Variants in CDH12 observed in about 807,000 individuals in gnomAD.
CDH12 encodes the protein cadherin-12.
In CDH12, 41 loss-of-function variants were observed where a neutral mutation model predicts 74.1. The observed-to-expected ratio is 0.55, with a 90% CI of 0.43 to 0.72. The LOEUF is 0.72. Ranked by LOEUF, CDH12 falls within the 30% of genes least tolerant of loss-of-function variation. The probability of loss-of-function intolerance (pLI) is 0.00; values close to 1 mark genes in which losing one functional copy is unlikely to be tolerated. For missense variants in CDH12, 945 were observed against 977.2 expected, an observed-to-expected ratio of 0.97 and a Z score of 0.44; for synonymous variants, 399 against 355.0, an observed-to-expected ratio of 1.12 and a Z score of -1.39.
chr5:21,897,991 C>T (rs1045024329), intron 6 of CDH12, among the ~76,000 whole-genome samples: 14 of 151,520 alleles, frequency 9.2e-5, no homozygotes, highest in Non-Finnish European at 1.3e-4. Flanking sequence ...AGGTTATATG[C>T]CACTTAATAT....
At position 22,254,098 on chromosome 5, in the gene CDH12, C is replaced by T. The variant is rs143500671; in HGVS notation, c.-332-41455G>A. Among the ~76,000 whole-genome samples the T allele has an allele frequency of 2.1e-4, 32 of 151,832 alleles. 2 individuals are homozygous for T. The East Asian group carries it at 6.2e-3, about 29-fold the overall frequency. On this transcript the variant is annotated intron_variant, in intron 3 of 14. Transcript: ENST00000382254. Reference sequence around the variant, plus strand: ...AGAGAGTCAAATCACTGTTTTTAGGCCTGCTAGAGCATTTTGTTGTCCCTT... The same window carrying T: ...AGAGAGTCAAATCACTGTTTTTAGGTCTGCTAGAGCATTTTGTTGTCCCTT...
rs139672842 is a variant in CDH12, at chr5:22,708,153, G to A, written c.-523+144905C>T. On this transcript the variant is annotated intron_variant, in intron 1 of 14. Transcript: ENST00000382254. Reference sequence around the variant, plus strand: ...ATATATTATCAAGACTCTTTCCTTCGCTTTGTCATTTAAGTAGATTATTCT... The same window carrying A: ...ATATATTATCAAGACTCTTTCCTTCACTTTGTCATTTAAGTAGATTATTCT... Among the ~76,000 whole-genome samples the A allele has an allele frequency of 1.1e-3, 172 of 152,112 alleles. 1 individual carries two copies. The East Asian group carries it at 0.023, about 20-fold the overall frequency.
At chr5:22,601,510 A>G (rs1736852923) in intron 1 of CDH12, among the ~76,000 whole-genome samples, 1 of 152,012 alleles carries the variant, frequency 6.6e-6, no homozygotes, top group African/African-American at 2.4e-5. Flanking sequence ...GACAGAAACA[A>G]TCTCTCGTGG....
At chr5:22,651,542 G>A (rs764411664) in intron 1 of CDH12, among the ~76,000 whole-genome samples, 12 of 152,058 alleles carry the variant, frequency 7.9e-5, no homozygotes, top group Non-Finnish European at 1.5e-4. Flanking sequence ...TCACTATCAT[G>A]AGACCAGCAT....
intron 4 of CDH12, among the ~76,000 whole-genome samples, chr5:22,189,393 A>G (rs776559972): frequency 1.3e-5 from 2 of 152,194 alleles, no homozygotes; most frequent in Non-Finnish European, 2.9e-5. Flanking sequence ...TTAAAAATCA[A>G]TAACATTATT....
chr5:22,457,729 C>A (rs957847560), intron 2 of CDH12, among the ~76,000 whole-genome samples: 1 of 151,020 alleles, frequency 6.6e-6, no homozygotes, highest in Admixed American at 6.6e-5. Flanking sequence ...CAGGCACCTG[C>A]TAACATGCCC....
At chr5:22,501,493 T>C (rs1172310750) in intron 2 of CDH12, among the ~76,000 whole-genome samples, 2 of 152,190 alleles carry the variant, frequency 1.3e-5, no homozygotes, top group African/African-American at 4.8e-5. Context: ...CAACTGTTTC[T>C]GTATTTTTCC....
At chr5:21,882,888 G>C in intron 6 of CDH12, 1 of 1,603,368 alleles carries the variant, frequency 6.2e-7, no homozygotes, top group Non-Finnish European at 8.5e-7. Flanking sequence ...ACTTGTTCAA[G>C]ATGTTGCCAA....
At chr5:22,117,525 T>TATATATATAATATATATATATA (rs1561129357) in intron 4 of CDH12, among the ~76,000 whole-genome samples, 14 of 53,932 alleles carry the variant, frequency 2.6e-4, no homozygotes, top group South Asian at 5.8e-4. Flanking sequence ...ATATATATAA[T>TATATATATAATATATATATATA]ATATATATAT....
At chr5:22,110,094 G>C (rs959541046) in intron 4 of CDH12, among the ~76,000 whole-genome samples, 1 of 152,148 alleles carries the variant, frequency 6.6e-6, no homozygotes, top group East Asian at 1.9e-4. Flanking sequence ...TCAATCTCCT[G>C]TCCTTCATAA....
In CDH12 at chr5:22,194,308, CTTT is replaced by C. The variant is rs59899245; in HGVS notation, c.-187+18187_-187+18189del. ...TCTTTCTTTACTTTTCTTTTTCTTTCTTTTTTTTTTTTTTGTTTTGTTTTTTTT... is the reference window on the plus strand; with the variant it reads ...TCTTTCTTTACTTTTCTTTTTCTTTCTTTTTTTTTTTGTTTTGTTTTTTTT... On this transcript the variant is annotated intron_variant, in intron 4 of 14. Transcript: ENST00000382254. 5.4e-3 allele frequency among the ~76,000 whole-genome samples: 758 copies of C among 139,820 alleles called. 2 individuals carry two copies. Among genetic ancestry groups the C allele is most frequent in the Non-Finnish European group, 9.0e-3 (584 of 65,224 alleles). The allele number at this position is 139,820 out of a possible 152,430, so 91.7% of individuals were successfully genotyped here. A position where few individuals can be genotyped will look rare whatever the true frequency, so the allele number is the denominator to read the frequency against.
At chr5:22,245,955 C>G (rs1384291897) in intron 3 of CDH12, among the ~76,000 whole-genome samples, 1 of 152,196 alleles carries the variant, frequency 6.6e-6, no homozygotes, top group African/African-American at 2.4e-5. Flanking sequence ...TATGCAACTT[C>G]CCTCTGGTGC....
chr5:22,369,022 G>A (rs752236837), intron 3 of CDH12, among the ~76,000 whole-genome samples: 8 of 152,116 alleles, frequency 5.3e-5, no homozygotes, highest in Non-Finnish European at 1.0e-4. Context: ...TCAGCTACTC[G>A]GGAGGCTGAG....
chr5:22,098,777 G>A (rs377076222), intron 4 of CDH12, among the ~76,000 whole-genome samples: 3 of 151,950 alleles, frequency 2.0e-5, no homozygotes, highest in East Asian at 1.9e-4. Flanking sequence ...CAATGTCCCC[G>A]TATTTCCTTC....
intron 1 of CDH12, among the ~76,000 whole-genome samples, chr5:22,773,737 CTG>C (rs1746936801): frequency 6.6e-6 from 1 of 151,974 alleles, no homozygotes; most frequent in African/African-American, 2.4e-5. Context: ...ATACTGAAAA[CTG>C]TGCACACAAC....
chr5:22,024,670 G>C (rs918367679), intron 5 of CDH12, among the ~76,000 whole-genome samples: 2 of 151,998 alleles, frequency 1.3e-5, no homozygotes, highest in Non-Finnish European at 2.9e-5. Context: ...ATGCTACCAT[G>C]CCTGGCTAAT....
chr5:22,738,123 A>C (rs1450789359), intron 1 of CDH12, among the ~76,000 whole-genome samples: 1 of 151,996 alleles, frequency 6.6e-6, no homozygotes, highest in African/African-American at 2.4e-5. Context: ...AACTGTTTAG[A>C]GCTGGAGAAT....
intron 6 of CDH12, among the ~76,000 whole-genome samples, chr5:21,958,984 T>C (rs1283942541): frequency 6.6e-6 from 1 of 152,188 alleles, no homozygotes; most frequent in Admixed American, 6.5e-5. Context: ...TGTTTTGTAA[T>C]TCTCATTGTA....
chr5:22,654,627 G>T (rs1580855423), intron 1 of CDH12, among the ~76,000 whole-genome samples: 4 of 143,632 alleles, frequency 2.8e-5, no homozygotes, highest in South Asian at 2.2e-4. Flanking sequence ...TTGTTTGCTT[G>T]TTTTTTTTTT....
Sources: allele counts gnomAD v4.1 joint callset (sites outside exome capture counted in the v4.1 genomes callset), GRCh38; gene constraint gnomAD v4.1.1; transcripts MANE v1.5; gene names NCBI Gene and HGNC (gene_info 2026-07-23, HGNC 2026-07-21).